Variants in PCDHGA4 observed in about 807,000 individuals in gnomAD.
PCDHGA4 encodes the protein protocadherin gamma-A4.
PCDHGA4 carries 38 observed loss-of-function variants against 54.6 expected under a neutral mutation model. The ratio of observed to expected loss-of-function variants is 0.70; its 90% CI spans 0.54 to 0.91. The LOEUF (loss-of-function observed/expected upper bound fraction) is 0.91. Among genes scored for constraint, PCDHGA4 ranks in the 40% least tolerant of loss-of-function variants. The pLI is 0.00. For synonymous variants in PCDHGA4, 511 were observed against 512.9 expected, an observed-to-expected ratio of 1.00 and a Z score of 0.05; for missense variants, 1,298 against 1,220.9, an observed-to-expected ratio of 1.06 and a Z score of -0.94.
chr5:141,419,075 A>C (rs2096322774), intron 1 of PCDHGA4: 3 of 1,613,968 alleles, frequency 1.9e-6, no homozygotes, highest in South Asian at 1.1e-5. Flanking sequence ...CAAGCTAGTA[A>C]CAGATGAGGC....
chr5:141,471,568 A>G (rs947450908), intron 1 of PCDHGA4: 3 of 152,214 alleles, frequency 2.0e-5, no homozygotes, highest in Non-Finnish European at 2.9e-5. Context: ...CAGGGGTAGC[A>G]GTAGATAGGG....
At chr5:141,375,397 C>G (rs751405619) in intron 1 of PCDHGA4, 3 of 1,613,892 alleles carry the variant, frequency 1.9e-6, no homozygotes, top group East Asian at 4.5e-5. Flanking sequence ...AAACAATCAT[C>G]TCTCTAAATG....
At chr5:141,407,963 G>T (rs2095010709) in intron 1 of PCDHGA4, 1 of 681,746 alleles carries the variant, frequency 1.5e-6, no homozygotes, top group Admixed American at 3.5e-5. Context: ...TGCAGAGCAA[G>T]CGCTGACGCC....
intron 1 of PCDHGA4, chr5:141,441,139 G>C (rs1000704603): frequency 6.6e-6 from 1 of 152,172 alleles, no homozygotes; most frequent in African/African-American, 2.4e-5. Context: ...ATTTCTAGAA[G>C]ATAATGACAA....
chr5:141,376,393 C>T, intron 1 of PCDHGA4: 1 of 1,614,222 alleles, frequency 6.2e-7, no homozygotes, highest in Non-Finnish European at 8.5e-7. Context: ...ATCTGATTTT[C>T]CCCCAGCCCA....
In PCDHGA4 at chr5:141,356,585, C is replaced by G. The variant is rs11575950; in HGVS notation, c.1478C>G (p.Pro493Arg). 2,136 of 1,614,174 alleles carry G rather than the reference C, an allele frequency of 1.3e-3. 34 individuals carry two copies. Among genetic ancestry groups the G allele is most frequent in the South Asian group, 0.013 (1,179 of 91,086 alleles). Residue 493 changes from proline to arginine, a missense_variant, in exon 1 of 4, where the codon CCT becomes CGT. Physicochemically the swap from Pro to Arg is moderately radical, Grantham distance 103. Coordinates refer to ENST00000571252, the MANE Select transcript of PCDHGA4 (RefSeq NM_018917.4). The part of the protein sequence containing the change: ...FPHASYSAYI[P>R]ENNPRGASIL... ...CATGCTTCCTACTCTGCTTACATTCCTGAAAACAACCCCAGAGGAGCCTCC... is the reference window on the plus strand; with the variant it reads ...CATGCTTCCTACTCTGCTTACATTCGTGAAAACAACCCCAGAGGAGCCTCC...
In PCDHGA4 at chr5:141,357,223, T is replaced by A. The variant is rs1760512716; in HGVS notation, c.2116T>A (p.Leu706Met). The change falls in exon 1 of 4, where the codon TTG becomes ATG. Residue 706 changes from leucine to methionine, a missense_variant. By Grantham distance (15) the Leu-to-Met change is conservative. Coordinates refer to ENST00000571252, the MANE Select transcript of PCDHGA4 (RefSeq NM_018917.4). ...ADSIPDVLAD[L>M]GSLKPSADPD... ...CAGCATCCCAGATGTCCTGGCTGAC[T>A]TGGGCAGCCTCAAGCCTTCAGCAGA... 6.2e-7 allele frequency: 1 copy of A among 1,613,834 alleles called. No individual in the cohort carries two copies. Among genetic ancestry groups the A allele is most frequent in the Non-Finnish European group, 8.5e-7 (1 of 1,179,864 alleles).
chr5:141,472,145 A>C (rs1376068421), intron 1 of PCDHGA4, among the ~76,000 whole-genome samples: 1 of 152,244 alleles, frequency 6.6e-6, no homozygotes, highest in Non-Finnish European at 1.5e-5. Context: ...TAAAAGTTTC[A>C]TGGTTACATA....
chr5:141,431,435 GC>G lies in PCDHGA4; in HGVS notation c.2515-63371del. On this transcript the variant is annotated intron_variant, in intron 1 of 3. Coordinates refer to ENST00000571252, the MANE Select transcript of PCDHGA4 (RefSeq NM_018917.4). The surrounding 1 kb of genome is among the most constrained non-coding windows in gnomAD (Gnocchi z 4.8). The stretch of plus-strand genomic sequence containing the variant: ...GGGCGACCCGGTGCGCACAGGCACC[GC>G]GCGCATCCGCGTGATGGTTCTGGAT... 1.9e-6 allele frequency: 3 copies of G among 1,613,668 alleles called. No individual in the cohort carries two copies. The highest frequency in any genetic ancestry group is 2.5e-6 in the Non-Finnish European group (3 of 1,180,026).
intron 1 of PCDHGA4, among the ~76,000 whole-genome samples, chr5:141,480,959 C>A (rs1476891394): frequency 1.3e-5 from 2 of 152,086 alleles, no homozygotes; most frequent in East Asian, 3.8e-4. Flanking sequence ...GCGGAAGCAT[C>A]AGTGAGGGAG....
At chr5:141,374,514 A>G (rs762655024) in intron 1 of PCDHGA4, 6 of 1,612,112 alleles carry the variant, frequency 3.7e-6, no homozygotes, top group Non-Finnish European at 4.2e-6. Context: ...AAAATTCTCG[A>G]AAACGCAGCT....
intron 1 of PCDHGA4, among the ~76,000 whole-genome samples, chr5:141,454,859 G>A (rs2098805080): frequency 7.9e-6 from 1 of 126,982 alleles, no homozygotes; most frequent in African/African-American, 3.1e-5. Flanking sequence ...CCAGGCTGGA[G>A]TGCAGTGGCA....
At chr5:141,438,741 A>T (rs1184994731) in intron 1 of PCDHGA4, among the ~76,000 whole-genome samples, 3 of 148,914 alleles carry the variant, frequency 2.0e-5, no homozygotes, top group South Asian at 2.1e-4. Context: ...AGCTCACTGC[A>T]ACCTCTGCCT....
Position 141,489,830 on chromosome 5 carries a change from A to C in PCDHGA4, c.2515-4977A>C. On this transcript the variant is annotated intron_variant, in intron 1 of 3. Transcript: ENST00000571252. The surrounding 1 kb of genome is among the most constrained non-coding windows in gnomAD (Gnocchi z 4.5). ...AAGCCATTCCCAGAGCTGGTGCTAG[A>C]GCAGCAGCTGGATCGTGAAGCCCAG... 1 of 1,614,200 alleles carries C rather than the reference A, an allele frequency of 6.2e-7. No homozygotes were observed. Among genetic ancestry groups the C allele is most frequent in the Non-Finnish European group, 8.5e-7 (1 of 1,180,010 alleles).
chr5:141,486,425 A>C lies in PCDHGA4; in HGVS notation c.2515-8382A>C. The C allele has an allele frequency of 6.2e-7, 1 of 1,614,228 alleles. No homozygotes were observed. On this transcript the variant is annotated intron_variant, in intron 1 of 3. Transcript: ENST00000571252. This position sits in a 1 kb window ranked among gnomAD's most constrained non-coding sequence, Gnocchi z 5.0. Reference sequence around the variant, plus strand: ...TGCTGGACCCTTGGATCGAGAGGCCAAATCTAGCTATGACATCATGGTCAC... The same window carrying C: ...TGCTGGACCCTTGGATCGAGAGGCCCAATCTAGCTATGACATCATGGTCAC...
chr5:141,497,384 A>G (rs2099776099), intron 2 of PCDHGA4, among the ~76,000 whole-genome samples: 1 of 151,900 alleles, frequency 6.6e-6, no homozygotes, highest in African/African-American at 2.4e-5. Context: ...TGGGGTGAGC[A>G]CCTTACCCCT....
Position 141,366,042 on chromosome 5 carries a change from G to T in PCDHGA4, c.2514+8421G>T, listed in dbSNP as rs1221134506. 8.1e-6 allele frequency: 13 copies of T among 1,614,242 alleles called. No individual in the cohort carries two copies. In the Middle Eastern group the frequency reaches 4.9e-4, roughly 61 times the overall value. The stretch of plus-strand genomic sequence containing the variant: ...CTGTACCCCGCCCTCCCCACAGACG[G>T]TTCCACGGGCGTGGAGCTGGCGCCT... On this transcript the variant is annotated intron_variant, in intron 1 of 3. Transcript: ENST00000571252.
In PCDHGA4 at chr5:141,428,860, CTT is replaced by C. The variant is rs34152666; in HGVS notation, c.2515-65935_2515-65934del. On this transcript the variant is annotated intron_variant, in intron 1 of 3. Transcript: ENST00000571252. The stretch of plus-strand genomic sequence containing the variant: ...ACATTTTCACCATTTTTACGGGAGA[CTT>C]TTTTTTTTTTTGGACGGAGTCTCGC... The C allele has an allele frequency of 7.4e-3, 1,070 of 145,506 alleles. 4 individuals carry two copies. Among genetic ancestry groups the C allele is most frequent in the South Asian group, 0.018 (82 of 4,566 alleles). 9.0% of individuals were successfully genotyped at this position (145,506 alleles called of 1,614,324 possible).
At chr5:141,505,780 G>A (rs1595982811) in intron 3 of PCDHGA4, among the ~76,000 whole-genome samples, 1 of 139,456 alleles carries the variant, frequency 7.2e-6, no homozygotes, top group Non-Finnish European at 1.6e-5. Flanking sequence ...TCCTAGCTCT[G>A]CTACTATCCT....
Sources: gnomAD v4.1 joint callset for allele counts (sites outside exome capture counted in the v4.1 genomes callset) on GRCh38, gnomAD v4.1.1 for gene constraint, Gnocchi (gnomAD v3.1) non-coding constraint, MANE v1.5 for transcripts, NCBI Gene and HGNC (gene_info 2026-07-23, HGNC 2026-07-21) for gene names.